Variants in CCER2 observed in about 807,000 individuals in gnomAD.
CCER2 encodes coiled-coil domain-containing glutamate-rich protein 2.
Under a neutral mutation model 27.1 loss-of-function variants are expected in CCER2, and 20 were observed. The observed-to-expected ratio is 0.74, with a 90% CI of 0.52 to 1.07. CCER2 has a LOEUF of 1.07. Ranked by LOEUF, CCER2 falls within the 50% of genes least tolerant of loss-of-function variation. The pLI is 0.00. For synonymous variants in CCER2, 140 were observed against 144.3 expected (o/e 0.97, Z 0.21); for missense variants, 351 against 344.7 (o/e 1.02, Z -0.14).
chr19:38,909,292 C>G lies in CCER2; in HGVS notation c.745G>C (p.Asp249His), dbSNP rs1351719415. Residue 249 changes from aspartate (D) to histidine (H), a missense_variant, in exon 5 of 5, where the codon GAC becomes CAC. Physicochemically the swap from Asp to His is moderately conservative, Grantham distance 81. Coordinates refer to ENST00000571838, the MANE Select transcript of CCER2 (RefSeq NM_001243212.2). ...GTCTCTGTCACCTTCTTCAGTTCGT[C>G]TCTCAAGTGCTCCAGCTGCTCCACC... ...KEVEQLEHLR[D>H]ELKKVTETLG... 9 of 1,535,390 alleles carry G rather than the reference C, an allele frequency of 5.9e-6. No homozygotes were observed. Among genetic ancestry groups the G allele is most frequent in the Non-Finnish European group, 7.0e-6 (8 of 1,146,756 alleles).
At chr19:38,910,113 T>C (rs963843835) in intron 4 of CCER2, among the ~76,000 whole-genome samples, 6 of 152,160 alleles carry the variant, frequency 3.9e-5, no homozygotes, top group Non-Finnish European at 7.4e-5. Context: ...CCTCAAGGGA[T>C]TCTCCCACCT....
Position 38,912,110 on chromosome 19 carries a change from G to A in CCER2, c.49C>T (p.Leu17=). Residue 17 remains leucine (L), a synonymous_variant, in exon 1 of 5, where the codon CTG becomes TTG. Coordinates refer to ENST00000571838, the MANE Select transcript of CCER2 (RefSeq NM_001243212.2). ...GTCCCGCACTCACCCGCCCCCAGCA[G>A]GAGCAGCCGCAGCAGCAGCAGCTCA... The part of the protein sequence containing the change: ...ASELLLLRLL[L]LGAATAAPLA... 1 of 1,517,114 alleles carries A rather than the reference G, an allele frequency of 6.6e-7. No individual in the cohort carries two copies. The highest frequency in any genetic ancestry group is 8.8e-7 in the Non-Finnish European group (1 of 1,139,328). The allele number at this position is 1,517,114 out of a possible 1,614,324, so 94.0% of individuals were successfully genotyped here. A position where few individuals can be genotyped will look rare whatever the true frequency, so the allele number is the denominator to read the frequency against.
chr19:38,911,912 C>A, intron 1 of CCER2, 60 bp from the exon 2 acceptor site: 1 of 1,527,582 alleles, frequency 6.5e-7, no homozygotes, highest in Non-Finnish European at 8.8e-7. Flanking sequence ...CCGGTACCGA[C>A]CCCAGCTCCA....
Position 38,912,186 on chromosome 19 carries a change from T to C in CCER2, c.-28A>G, listed in dbSNP as rs935075278. On this transcript the variant is annotated 5_prime_UTR_variant, in exon 1 of 5. Transcript: ENST00000571838. The stretch of plus-strand genomic sequence containing the variant: ...TGGGCGTCCAACGGGTCCAAGGCGC[T>C]GTGCGGGCCAGGGTTGCAGCGCCTT... The C allele has an allele frequency of 1.4e-6, 2 of 1,448,216 alleles. No homozygotes were observed. Among genetic ancestry groups the C allele is most frequent in the Non-Finnish European group, 1.8e-6 (2 of 1,105,646 alleles). The allele number at this position is 1,448,216 out of a possible 1,614,324, so 89.7% of individuals were successfully genotyped here.
rs1024806139 is a variant in CCER2, at chr19:38,910,661, C to G, written c.613G>C (p.Gly205Arg). Residue 205 changes from glycine (G) to arginine (R), a missense_variant, in exon 4 of 5, where the codon GGA becomes CGA. Gly to Arg is a moderately radical substitution (Grantham distance 125). Transcript: ENST00000571838. ...GGCAAGTCCTCGCGCCTCTCTCCTC[C>G]GCCTCTCTCGGCCCCCTGCCACAGG... ...RSLWQGAERG[G>R]GERREDLPHH... is the part of the protein sequence containing the mutation. The G allele has an allele frequency of 6.5e-7, 1 of 1,532,844 alleles. No individual in the cohort carries two copies. Among genetic ancestry groups the G allele is most frequent in the Non-Finnish European group, 8.7e-7 (1 of 1,145,224 alleles). The allele number at this position is 1,532,844 out of a possible 1,614,324, so 95.0% of individuals were successfully genotyped here.
At position 38,909,039 on chromosome 19, in the gene CCER2, G is replaced by C. The variant is rs1974245833; in HGVS notation, c.*197C>G. ...TGGAGTGGGAGTGCATAGGTGTGGG[G>C]GTGCTTCCTGTGTCAGGGCTGAGCC... On this transcript the variant is annotated 3_prime_UTR_variant, in exon 5 of 5. Coordinates refer to ENST00000571838, the MANE Select transcript of CCER2 (RefSeq NM_001243212.2). The C allele has an allele frequency of 5.3e-6, 5 of 943,576 alleles. No individual in the cohort carries two copies. In the Admixed American group the frequency reaches 1.4e-4, roughly 27 times the overall value. 58.5% of individuals were successfully genotyped at this position (943,576 alleles called of 1,614,324 possible).
intron 1 of CCER2, 31 bp from the exon 2 acceptor site, chr19:38,911,883 G>A: frequency 6.5e-7 from 1 of 1,534,020 alleles, no homozygotes; most frequent in Non-Finnish European, 8.7e-7. Flanking sequence ...ACTGGGCTTT[G>A]CCGCCCTGGC....
Position 38,910,715 on chromosome 19 carries a change from C to G in CCER2, c.559G>C (p.Gly187Arg). ...ETAQFQAEEK[G>R]VRVLGGDRSL... ...CGGTCCCCGCCCAGCACCCGCACCCCCTTCTCCTCTGCCTGGAACTGGGCC... is the reference window on the plus strand; with the variant it reads ...CGGTCCCCGCCCAGCACCCGCACCCGCTTCTCCTCTGCCTGGAACTGGGCC... The change falls in exon 4 of 5, where the codon GGG becomes CGG. Residue 187 changes from glycine to arginine, a missense_variant. By Grantham distance (125) the Gly-to-Arg change is moderately radical. Transcript: ENST00000571838. 6.5e-7 allele frequency: 1 copy of G among 1,532,874 alleles called. No individual in the cohort carries two copies. The highest frequency in any genetic ancestry group is 8.7e-7 in the Non-Finnish European group (1 of 1,145,248). 95.0% of individuals were successfully genotyped at this position (1,532,874 alleles called of 1,614,324 possible).
At chr19:38,911,315 AG>A (rs995357068) in intron 3 of CCER2, among the ~76,000 whole-genome samples, 1 of 152,152 alleles carries the variant, frequency 6.6e-6, no homozygotes, top group African/African-American at 2.4e-5. Flanking sequence ...CCCACCTGGG[AG>A]GGGATGTTCC....
In CCER2 at chr19:38,910,840, C is replaced by G; in HGVS notation, c.434G>C (p.Arg145Thr). 1 of 1,528,346 alleles carries G rather than the reference C, an allele frequency of 6.5e-7. No homozygotes were observed. The highest frequency in any genetic ancestry group is 8.8e-7 in the Non-Finnish European group (1 of 1,142,726). The allele number at this position is 1,528,346 out of a possible 1,614,324, so 94.7% of individuals were successfully genotyped here. ...DEEEEKEERKRGPMETFEDLW... is the reference protein window; with the variant it reads ...DEEEEKEERKTGPMETFEDLW... Reference sequence around the variant, plus strand: ...GTCCTCAAAGGTCTCCATGGGCCCCCTCTTCCTCTCCTCCTTCTCCTCCTC... The same window carrying G: ...GTCCTCAAAGGTCTCCATGGGCCCCGTCTTCCTCTCCTCCTTCTCCTCCTC... The change falls in exon 4 of 5, where the codon AGG becomes ACG. Residue 145 changes from arginine to threonine, a missense_variant. Arg to Thr is a moderately conservative substitution (Grantham distance 71). Transcript: ENST00000571838.
At position 38,911,015 on chromosome 19, in the gene CCER2, T is replaced by C; in HGVS notation, c.259A>G (p.Lys87Glu). 2.7e-6 allele frequency: 4 copies of C among 1,488,454 alleles called. No individual in the cohort carries two copies. The highest frequency in any genetic ancestry group is 1.4e-5 in the African/African-American group (1 of 71,450). The allele number at this position is 1,488,454 out of a possible 1,614,324, so 92.2% of individuals were successfully genotyped here. ...CTCATCTTCCCAGCCTCCTGCTTCT[T>C]GAAATCCCCAAGCAGCAGGCCTTTC... Reference protein sequence around the residue: ...EEKGLLLGDFKKQEAGKMRSS... With the variant: ...EEKGLLLGDFEKQEAGKMRSS... The change falls in exon 4 of 5, where the codon AAG becomes GAG. Residue 87 changes from lysine (K) to glutamate (E), a missense_variant. Transcript: ENST00000571838.
In CCER2 at chr19:38,910,885, A is replaced by T; in HGVS notation, c.389T>A (p.Leu130His). 6.6e-7 allele frequency: 1 copy of T among 1,516,746 alleles called. No homozygotes were observed. The highest frequency in any genetic ancestry group is 8.8e-7 in the Non-Finnish European group (1 of 1,137,134). The allele number at this position is 1,516,746 out of a possible 1,614,324, so 94.0% of individuals were successfully genotyped here. Residue 130 changes from leucine to histidine, a missense_variant, in exon 4 of 5, where the codon CTC (leucine) becomes CAC (histidine). Leu to His is a moderately conservative substitution (Grantham distance 99). Transcript: ENST00000571838. The stretch of plus-strand genomic sequence containing the variant: ...CTCCTCCTCGTCCTCCTCCTGGTGG[A>T]GCTGGCGATGCCCTTGCATGCGGAT... ...QAIRMQGHRQ[L>H]HQEEDEEEEK...
At chr19:38,909,575 CTTTATT>C (rs1347890834) in intron 4 of CCER2, among the ~76,000 whole-genome samples, 5 of 151,970 alleles carry the variant, frequency 3.3e-5, no homozygotes, top group Non-Finnish European at 4.4e-5. Context: ...CGTGATGGCG[CTTTATT>C]TTTATTTTTA....
At chr19:38,909,470 T>C in intron 4 of CCER2, 145 bp from the exon 5 acceptor site, 1 of 765,984 alleles carries the variant, frequency 1.3e-6, no homozygotes, top group Non-Finnish European at 2.2e-6. Context: ...GTGACCATGC[T>C]GATTGCCATA....
At chr19:38,911,965 G>C in intron 1 of CCER2, 113 bp from the exon 2 acceptor site, 1 of 1,483,374 alleles carries the variant, frequency 6.7e-7, no homozygotes, top group South Asian at 1.3e-5. Flanking sequence ...ATCCCACCCG[G>C]CGGGTGTACT....
chr19:38,911,909 C>T lies in CCER2; in HGVS notation c.62-57G>A, dbSNP rs775880213. 94 of 1,528,964 alleles carry T rather than the reference C, an allele frequency of 6.1e-5. No homozygotes were observed. In the South Asian group the frequency reaches 7.2e-4, roughly 12 times the overall value. The allele number at this position is 1,528,964 out of a possible 1,614,324, so 94.7% of individuals were successfully genotyped here. The stretch of plus-strand genomic sequence containing the variant: ...CCGCCCTGGCTGCTGTCCCCGGTAC[C>T]GACCCCAGCTCCATGGGCGTCCCGG... On this transcript the variant is annotated intron_variant, in intron 1 of 4. Coordinates refer to ENST00000571838, the MANE Select transcript of CCER2 (RefSeq NM_001243212.2).
intron 1 of CCER2, 69 bp from the exon 2 acceptor site, chr19:38,911,921 C>T (rs999386843): frequency 6.6e-7 from 1 of 1,522,494 alleles, no homozygotes. Flanking sequence ...ACCCCAGCTC[C>T]ATGGGCGTCC....
chr19:38,911,932 C>T (rs965967800), intron 1 of CCER2, 80 bp from the exon 2 acceptor site: 96 of 1,514,188 alleles, frequency 6.3e-5, no homozygotes, highest in Non-Finnish European at 7.8e-5. Context: ...ATGGGCGTCC[C>T]GGTCCCCACA....
Position 38,910,930 on chromosome 19 carries a change from G to C in CCER2, c.344C>G (p.Ser115Cys). ...EEEVAERTHK[S>C]EVQEQAIRMQ... ...GCGGATGGCTTGTTCCTGGACCTCA[G>C]ACTTGTGGGTCCTCTCTGCTACCTC... The change falls in exon 4 of 5, where the codon TCT becomes TGT. Residue 115 changes from serine (S) to cysteine (C), a missense_variant. Physicochemically the swap from Ser to Cys is moderately radical, Grantham distance 112 (BLOSUM62 -1). Transcript: ENST00000571838. 1 of 1,519,776 alleles carries C rather than the reference G, an allele frequency of 6.6e-7. No individual in the cohort carries two copies. Among genetic ancestry groups the C allele is most frequent in the South Asian group, 1.2e-5 (1 of 80,748 alleles). 94.1% of individuals were successfully genotyped at this position (1,519,776 alleles called of 1,614,324 possible).
Sources: gnomAD v4.1 joint callset for allele counts (sites outside exome capture counted in the v4.1 genomes callset) on GRCh38, gnomAD v4.1.1 for gene constraint, MANE v1.5 for transcripts, NCBI Gene and HGNC (gene_info 2026-07-23, HGNC 2026-07-21) for gene names.